The following C1QTNF3 variants were observed in gnomAD, a reference collection of about 807,000 sequenced individuals.
C1QTNF3 encodes C1q and TNF related 3, also known as complement C1q tumor necrosis factor-related protein 3.
In C1QTNF3, 26 loss-of-function variants were observed where a neutral mutation model predicts 32.6. The observed-to-expected ratio is 0.80, with a 90% CI of 0.58 to 1.11. C1QTNF3 has a LOEUF of 1.11. C1QTNF3 is among the 50% of genes least tolerant of loss of function. The pLI is 0.00. For synonymous variants in C1QTNF3, 155 were observed against 146.0 expected (o/e 1.06, Z -0.44); for missense variants, 362 against 398.2 (o/e 0.91, Z 0.77).
the C1QTNF3 span, among the ~76,000 whole-genome samples, chr5:34,197,877 A>T: frequency 2.0e-5 from 3 of 151,994 alleles, no homozygotes; most frequent in Non-Finnish European, 2.9e-5. Flanking sequence ...TAGTTCATAG[A>T]TTACTGTCCT....
the C1QTNF3 span, among the ~76,000 whole-genome samples, chr5:34,179,301 G>A: frequency 6.6e-6 from 1 of 152,288 alleles, no homozygotes; most frequent in East Asian, 1.9e-4. Context: ...GGCCAACATG[G>A]CAAAACCCCA....
At chr5:34,224,381 A>AC in the C1QTNF3 span, among the ~76,000 whole-genome samples, 1 of 152,206 alleles carries the variant, frequency 6.6e-6, no homozygotes, top group Non-Finnish European at 1.5e-5. Flanking sequence ...TGGAGGCATC[A>AC]CGCTACCTGA....
At chr5:34,029,668 A>G (rs1754562345) in intron 3 of C1QTNF3, among the ~76,000 whole-genome samples, 1 of 152,230 alleles carries the variant, frequency 6.6e-6, no homozygotes, top group Admixed American at 6.5e-5. Context: ...TATTCTTGAA[A>G]TTATTAATAG....
the C1QTNF3 span, among the ~76,000 whole-genome samples, chr5:34,115,285 A>T: frequency 6.6e-6 from 1 of 152,208 alleles, no homozygotes; most frequent in Admixed American, 6.5e-5. Flanking sequence ...AATGCTGGAT[A>T]GTTTCATCAT....
the C1QTNF3 span, among the ~76,000 whole-genome samples, chr5:34,061,295 T>C: frequency 6.6e-6 from 1 of 152,218 alleles, no homozygotes; most frequent in East Asian, 1.9e-4. Context: ...GCTGCTTTCA[T>C]GGGCTGGCAC....
the C1QTNF3 span, among the ~76,000 whole-genome samples, chr5:34,205,627 C>G: frequency 6.6e-6 from 1 of 151,988 alleles, no homozygotes; most frequent in Non-Finnish European, 1.5e-5. Flanking sequence ...TCCTGTACAG[C>G]CTGTGGAACT....
the C1QTNF3 span, among the ~76,000 whole-genome samples, chr5:34,056,479 T>TATATATAG: frequency 9.5e-4 from 49 of 51,758 alleles, no homozygotes; most frequent in East Asian, 2.1e-3. Flanking sequence ...TATATATATA[T>TATATATAG]AGAGAGAGAG....
intron 3 of C1QTNF3, among the ~76,000 whole-genome samples, chr5:34,029,525 A>C (rs1391877640): frequency 6.6e-6 from 1 of 152,238 alleles, no homozygotes; most frequent in East Asian, 1.9e-4. Context: ...TAAAAGGAGA[A>C]AATATCTTCA....
chr5:34,160,568 G>A, the C1QTNF3 span, among the ~76,000 whole-genome samples: 3 of 152,162 alleles, frequency 2.0e-5, no homozygotes, highest in East Asian at 1.9e-4. Context: ...GCAGTGTGGC[G>A]TAGCAGTTAA....
the C1QTNF3 span, among the ~76,000 whole-genome samples, chr5:34,225,770 C>G: frequency 6.6e-6 from 1 of 151,522 alleles, no homozygotes; most frequent in African/African-American, 2.4e-5. Context: ...ACATTATACC[C>G]TATCTTTATG....
chr5:34,112,530 T>C, the C1QTNF3 span, among the ~76,000 whole-genome samples: 24 of 148,340 alleles, frequency 1.6e-4, no homozygotes, highest in Non-Finnish European at 8.9e-5. Flanking sequence ...CCAAGCCTGG[T>C]GGTATGTACA....
chr5:34,163,228 A>T, the C1QTNF3 span, among the ~76,000 whole-genome samples: 1 of 152,280 alleles, frequency 6.6e-6, no homozygotes, highest in African/African-American at 2.4e-5. Flanking sequence ...AAAATGAAAG[A>T]AAAAGATTCT....
chr5:34,074,599 A>C, the C1QTNF3 span, among the ~76,000 whole-genome samples: 1 of 151,800 alleles, frequency 6.6e-6, no homozygotes, highest in East Asian at 1.9e-4. Flanking sequence ...CACTTTGTTA[A>C]ACAACCCCAA....
the C1QTNF3 span, among the ~76,000 whole-genome samples, chr5:34,183,777 G>C: frequency 5.3e-5 from 8 of 152,220 alleles, no homozygotes; most frequent in African/African-American, 1.9e-4. Context: ...CGTCACTCAA[G>C]CCAATGACTA....
chr5:34,028,174 A>G (rs990543687), intron 4 of C1QTNF3, among the ~76,000 whole-genome samples: 3 of 152,192 alleles, frequency 2.0e-5, no homozygotes, highest in South Asian at 2.1e-4. Context: ...GGGTTTCACC[A>G]TGTCAGCCAG....
At chr5:34,090,765 G>A in the C1QTNF3 span, among the ~76,000 whole-genome samples, 4 of 151,916 alleles carry the variant, frequency 2.6e-5, no homozygotes, top group African/African-American at 9.7e-5. Context: ...CTTCTGCCAC[G>A]TAATGACACA....
At chr5:34,175,804 C>A in the C1QTNF3 span, 6 of 749,460 alleles carry the variant, frequency 8.0e-6, no homozygotes, top group Admixed American at 5.3e-5. Context: ...TTATCCCATG[C>A]GCTAAACTGC....
chr5:34,077,232 G>A, the C1QTNF3 span, among the ~76,000 whole-genome samples: 2 of 151,704 alleles, frequency 1.3e-5, no homozygotes, highest in South Asian at 4.1e-4. Context: ...ACTTTAAGAA[G>A]TAGAACATCT....
chr5:34,103,764 G>A, the C1QTNF3 span, among the ~76,000 whole-genome samples: 3 of 146,978 alleles, frequency 2.0e-5, no homozygotes, highest in East Asian at 5.9e-4. Context: ...GGAGGTTGTA[G>A]TGAGCTGAGA....
Sources: gnomAD v4.1 joint callset for allele counts (sites outside exome capture counted in the v4.1 genomes callset) on GRCh38, gnomAD v4.1.1 for gene constraint, MANE v1.5 for transcripts, NCBI Gene and HGNC (gene_info 2026-07-23, HGNC 2026-07-21) for gene names.